CADPS2: variants seen among roughly 807,000 people sequenced by gnomAD.
CADPS2 encodes calcium-dependent secretion activator 2.
CADPS2 carries 93 observed loss-of-function variants against 172.5 expected under a neutral mutation model. The observed-to-expected ratio is 0.54, with a 90% CI of 0.46 to 0.64. The LOEUF (loss-of-function observed/expected upper bound fraction) is 0.64, where lower values mean the gene tolerates loss of function less well. CADPS2 is among the 30% of genes least tolerant of loss of function. The pLI, the probability that CADPS2 is intolerant of heterozygous loss-of-function variation, is 0.00. For missense variants in CADPS2, 1,420 were observed against 1,565.9 expected (o/e 0.91, Z 1.57); for synonymous variants, 546 against 555.2 (o/e 0.98, Z 0.23).
chr7:122,745,100 C>T (rs1281059372), intron 1 of CADPS2, among the ~76,000 whole-genome samples: 2 of 151,902 alleles, frequency 1.3e-5, no homozygotes, highest in East Asian at 1.9e-4. Flanking sequence ...ACACACCCAT[C>T]ATCTTACAGT....
chr7:122,333,670 G>A (rs1393314676), intron 28 of CADPS2, among the ~76,000 whole-genome samples: 1 of 152,030 alleles, frequency 6.6e-6, no homozygotes, highest in East Asian at 1.9e-4. Flanking sequence ...ACAATTAGGG[G>A]CTCACCTATT....
At chr7:122,442,397 T>C (rs2051472964) in intron 15 of CADPS2, among the ~76,000 whole-genome samples, 1 of 152,170 alleles carries the variant, frequency 6.6e-6, no homozygotes, top group Non-Finnish European at 1.5e-5. Flanking sequence ...GGACTGCAGT[T>C]CCCACCTCAG....
chr7:122,704,518 C>T (rs1436438506), intron 2 of CADPS2, among the ~76,000 whole-genome samples: 1 of 151,640 alleles, frequency 6.6e-6, no homozygotes, highest in Non-Finnish European at 1.5e-5. Flanking sequence ...TAATATAACT[C>T]TGACTTTTTA....
intron 3 of CADPS2, among the ~76,000 whole-genome samples, chr7:122,634,210 T>A (rs1305828670): frequency 6.6e-6 from 1 of 152,116 alleles, no homozygotes; most frequent in African/African-American, 2.4e-5. Flanking sequence ...GGAAGATTTT[T>A]AAAAATAGTT....
chr7:122,709,243 C>A (rs561031972), intron 2 of CADPS2, among the ~76,000 whole-genome samples: 3 of 152,074 alleles, frequency 2.0e-5, no homozygotes, highest in Non-Finnish European at 2.9e-5. Flanking sequence ...TCCTAAGCCA[C>A]AAGGATATGA....
At chr7:122,808,238 C>T (rs1463072887) in intron 1 of CADPS2, among the ~76,000 whole-genome samples, 1 of 143,108 alleles carries the variant, frequency 7.0e-6, no homozygotes, top group African/African-American at 2.7e-5. Context: ...ATTAATGGTG[C>T]AGTGTGTTGT....
chr7:122,747,281 A>C (rs1047845193), intron 1 of CADPS2, among the ~76,000 whole-genome samples: 4 of 152,128 alleles, frequency 2.6e-5, no homozygotes, highest in African/African-American at 9.7e-5. Flanking sequence ...GACATGTGCT[A>C]TGGAAAAAAG....
At chr7:122,826,969 C>T (rs902521970) in intron 1 of CADPS2, among the ~76,000 whole-genome samples, 4 of 151,796 alleles carry the variant, frequency 2.6e-5, no homozygotes, top group Admixed American at 6.6e-5. Flanking sequence ...AGGAAAACAA[C>T]AAAGGAAAAT....
chr7:122,350,902 G>A (rs1024876505), intron 27 of CADPS2, among the ~76,000 whole-genome samples: 4 of 151,844 alleles, frequency 2.6e-5, no homozygotes, highest in East Asian at 1.9e-4. Context: ...GGGAGGCTGC[G>A]GTGAACTATG....
chr7:122,793,740 C>T (rs534861739), intron 1 of CADPS2, among the ~76,000 whole-genome samples: 8 of 152,184 alleles, frequency 5.3e-5, no homozygotes, highest in Admixed American at 5.2e-4. Flanking sequence ...CTATGTACTT[C>T]AGTGTGTTTT....
rs1482479867 is a variant in CADPS2 at position 122,649,902 on chromosome 7, T to C, written c.786+13335A>G. On this transcript the variant is annotated intron_variant, in intron 3 of 29. Transcript: ENST00000449022. ...ATTTTTCTTAAGTATTCAATGATTT[T>C]TTTTTTTTTTTTTTTTTTTTTTTTT... 2.8e-5 allele frequency among the ~76,000 whole-genome samples: 2 copies of C among 71,978 alleles called. 1 individual carries two copies. Among genetic ancestry groups the C allele is most frequent in the Admixed American group, 2.5e-4 (2 of 7,924 alleles). The allele number at this position is 71,978 out of a possible 152,430, so 47.2% of individuals were successfully genotyped here. A position where few individuals can be genotyped will look rare whatever the true frequency, so the allele number is the denominator to read the frequency against.
chr7:122,839,831 G>A lies in CADPS2; in HGVS notation c.339+46168C>T, dbSNP rs1486266366. On this transcript the variant is annotated intron_variant, in intron 1 of 29. Transcript: ENST00000449022. Reference sequence around the variant, plus strand: ...ATAGGAACACTTTTACACTGTTGGTGGGACTGTAAACTGGTTCAACCATTG... The same window carrying A: ...ATAGGAACACTTTTACACTGTTGGTAGGACTGTAAACTGGTTCAACCATTG... Among the ~76,000 whole-genome samples the A allele has an allele frequency of 7.9e-5, 12 of 152,286 alleles. No individual in the cohort carries two copies. The East Asian group carries it at 1.5e-3, about 20-fold the overall frequency.
chr7:122,655,320 T>C lies in CADPS2; in HGVS notation c.786+7917A>G, dbSNP rs1034357321. ...AACAGTATCACATACTATTCAGAAATCTTTTGTGAAAAGAAGAGTGAATCG... is the reference window on the plus strand; with the variant it reads ...AACAGTATCACATACTATTCAGAAACCTTTTGTGAAAAGAAGAGTGAATCG... On this transcript the variant is annotated intron_variant, in intron 3 of 29. Coordinates refer to ENST00000449022, the MANE Select transcript of CADPS2 (RefSeq NM_017954.11). Among the ~76,000 whole-genome samples, 14 of 152,282 alleles carry C rather than the reference T, an allele frequency of 9.2e-5. No individual in the cohort carries two copies. The Middle Eastern group carries it at 0.01, about 111-fold the overall frequency.
At chr7:122,868,328 T>A (rs1208342271) in intron 1 of CADPS2, among the ~76,000 whole-genome samples, 1 of 152,128 alleles carries the variant, frequency 6.6e-6, no homozygotes, top group Non-Finnish European at 1.5e-5. Context: ...ACAAGATTCT[T>A]CCTCAGACTC....
intron 3 of CADPS2, among the ~76,000 whole-genome samples, chr7:122,646,198 T>C (rs1409871263): frequency 6.6e-6 from 1 of 152,098 alleles, no homozygotes; most frequent in Non-Finnish European, 1.5e-5. Context: ...GAGCCATGTC[T>C]CGTCCTCATC....
chr7:122,718,100 G>C (rs925653577), intron 2 of CADPS2, among the ~76,000 whole-genome samples: 1 of 139,632 alleles, frequency 7.2e-6, no homozygotes, highest in African/African-American at 2.6e-5. Flanking sequence ...TAAAATGTTG[G>C]GATTACAGGC....
At chr7:122,822,938 T>TA (rs1803804151) in intron 1 of CADPS2, among the ~76,000 whole-genome samples, 1 of 152,138 alleles carries the variant, frequency 6.6e-6, no homozygotes, top group South Asian at 2.1e-4. Flanking sequence ...CCAGGTGAAA[T>TA]AAACAGCCAT....
intron 9 of CADPS2, among the ~76,000 whole-genome samples, chr7:122,491,774 C>T (rs1279644696): frequency 6.6e-6 from 1 of 152,156 alleles, no homozygotes; most frequent in African/African-American, 2.4e-5. Flanking sequence ...TGGTTTCTTA[C>T]AGCTTTTAAT....
chr7:122,353,656 A>G (rs2038982421), intron 27 of CADPS2, among the ~76,000 whole-genome samples: 1 of 152,248 alleles, frequency 6.6e-6, no homozygotes, highest in Non-Finnish European at 1.5e-5. Context: ...CTGTTTAACT[A>G]GAATGACAAT....
Sources: allele counts gnomAD v4.1 joint callset (sites outside exome capture counted in the v4.1 genomes callset), GRCh38; gene constraint gnomAD v4.1.1; transcripts MANE v1.5; gene names NCBI Gene and HGNC (gene_info 2026-07-23, HGNC 2026-07-21).